The following SRGAP3 variants were observed in gnomAD, a reference collection of about 807,000 sequenced individuals.
SRGAP3 encodes SLIT-ROBO Rho GTPase activating protein 3, also known as SLIT-ROBO Rho GTPase-activating protein 3.
A neutral mutation model predicts 121.1 loss-of-function variants in SRGAP3; 39 were observed. That is an observed-to-expected ratio of 0.32 (90% CI 0.25 to 0.42). The LOEUF is 0.42. Ranked by LOEUF, SRGAP3 falls within the 10% of genes least tolerant of loss-of-function variation. SRGAP3 has a pLI of 1.00. For synonymous variants in SRGAP3, 601 were observed against 570.0 expected, an observed-to-expected ratio of 1.05 and a Z score of -0.77; for missense variants, 1,213 against 1,470.6, an observed-to-expected ratio of 0.82 and a Z score of 2.86.
intron 16 of SRGAP3, 61 bp downstream of exon 16, chr3:9,013,676 T>C: frequency 6.3e-7 from 1 of 1,585,172 alleles, no homozygotes; most frequent in Non-Finnish European, 8.7e-7. Flanking sequence ...AGCCTCAAGA[T>C]ACCCCCTCCC....
rs371416789 is a variant in SRGAP3 at position 9,093,075 on chromosome 3, G to C, written c.423+11605C>G. ...AGTGACAGGGCTGTCTTCCTGAAAA[G>C]CCAGTATCTATGAAAACCTGAAGCT... is the stretch of plus-strand genomic sequence containing the variant. On this transcript the variant is annotated intron_variant, in intron 3 of 21. Coordinates refer to ENST00000383836, the MANE Select transcript of SRGAP3 (RefSeq NM_014850.4). Among the ~76,000 whole-genome samples, 421 of 152,256 alleles carry C rather than the reference G, an allele frequency of 2.8e-3. 1 individual carries two copies. The highest frequency in any genetic ancestry group is 9.5e-3 in the African/African-American group (395 of 41,538).
At chr3:9,140,888 T>C (rs1372887589) in intron 1 of SRGAP3, among the ~76,000 whole-genome samples, 3 of 152,212 alleles carry the variant, frequency 2.0e-5, no homozygotes, top group Non-Finnish European at 2.9e-5. Flanking sequence ...AAAGTAATTA[T>C]TGGATCATAC....
intron 1 of SRGAP3, among the ~76,000 whole-genome samples, chr3:9,153,269 T>TA (rs1161883096): frequency 6.6e-6 from 1 of 152,172 alleles, no homozygotes; most frequent in Admixed American, 6.5e-5. Flanking sequence ...ACAATAATAA[T>TA]AATAGGTAAC....
chr3:9,052,362 G>C (rs1945618959), intron 9 of SRGAP3, among the ~76,000 whole-genome samples: 2 of 152,134 alleles, frequency 1.3e-5, no homozygotes, highest in African/African-American at 4.8e-5. Flanking sequence ...AGGGCTGTCT[G>C]GGGAAAAAGG....
chr3:9,006,191 G>A (rs1943060963), intron 18 of SRGAP3, among the ~76,000 whole-genome samples: 1 of 152,054 alleles, frequency 6.6e-6, no homozygotes, highest in African/African-American at 2.4e-5. Context: ...ACGAGGTCAG[G>A]AGATTGAGAC....
At chr3:9,175,192 T>TA (rs1332879340) in intron 1 of SRGAP3, among the ~76,000 whole-genome samples, 1 of 152,048 alleles carries the variant, frequency 6.6e-6, no homozygotes, top group African/African-American at 2.4e-5. Flanking sequence ...TTCCGTTAAT[T>TA]AAAAAAAGAA....
At position 9,223,922 on chromosome 3, in the gene SRGAP3, G is replaced by A. The variant is rs111392913; in HGVS notation, c.67+24963C>T. Among the ~76,000 whole-genome samples the A allele has an allele frequency of 1.6e-3, 239 of 152,280 alleles. 2 individuals are homozygous for A. The highest frequency in any genetic ancestry group is 5.5e-3 in the African/African-American group (230 of 41,560). The stretch of plus-strand genomic sequence containing the variant: ...AATCTTGATTCTGGATGGAAGACAG[G>A]CACTTCTCCTCTCGAAGTTTCAATT... On this transcript the variant is annotated intron_variant, in intron 1 of 21. Coordinates refer to ENST00000383836, the MANE Select transcript of SRGAP3 (RefSeq NM_014850.4).
chr3:9,013,361 C>G lies in SRGAP3; in HGVS notation c.2094G>C (p.Arg698=), dbSNP rs755976474. The change falls in exon 17 of 22, where the codon CGG becomes CGC. Residue 698 remains arginine (R), a synonymous_variant. Coordinates refer to ENST00000383836, the MANE Select transcript of SRGAP3 (RefSeq NM_014850.4). ...IHHEAIFPSP[R]ELEGPVYEKC... Reference sequence around the variant, plus strand: ...TTTCATACACAGGTCCCTCTAGCTCCCGGGGGCTGGGGAAGATGGCTTCAT... The same window carrying G: ...TTTCATACACAGGTCCCTCTAGCTCGCGGGGGCTGGGGAAGATGGCTTCAT... 3.1e-6 allele frequency: 5 copies of G among 1,614,080 alleles called. No homozygotes were observed. Among genetic ancestry groups the G allele is most frequent in the Middle Eastern group, 1.6e-4 (1 of 6,062 alleles).
At chr3:9,278,450 A>G (rs1343091125) in intron 3 of SRGAP3, among the ~76,000 whole-genome samples, 1 of 152,208 alleles carries the variant, frequency 6.6e-6, no homozygotes, top group Non-Finnish European at 1.5e-5. Context: ...CATGTGACCA[A>G]CTCTCAATGC....
intron 2 of SRGAP3, among the ~76,000 whole-genome samples, chr3:9,119,542 C>T (rs1268377108): frequency 6.6e-6 from 1 of 152,174 alleles, no homozygotes; most frequent in Non-Finnish European, 1.5e-5. Flanking sequence ...GATCGTGGTC[C>T]TAGCTTGGTG....
intron 3 of SRGAP3, among the ~76,000 whole-genome samples, chr3:9,316,511 T>A (rs565118440): frequency 4.0e-4 from 61 of 152,108 alleles, no homozygotes; most frequent in African/African-American, 1.4e-3. Flanking sequence ...ACAAAAAAAT[T>A]AGCTGGGCAT....
chr3:9,034,044 G>A (rs1944629418), intron 11 of SRGAP3: 1 of 152,116 alleles, frequency 6.6e-6, no homozygotes, highest in Non-Finnish European at 1.5e-5. Flanking sequence ...CTCCACTCTT[G>A]GCCACAGGGA....
chr3:9,005,173 A>T (rs956540783), intron 18 of SRGAP3, among the ~76,000 whole-genome samples: 1 of 152,246 alleles, frequency 6.6e-6, no homozygotes, highest in African/African-American at 2.4e-5. Flanking sequence ...GCACATGAAA[A>T]GATGATGAAC....
At chr3:9,168,090 G>C (rs541262687) in intron 1 of SRGAP3, among the ~76,000 whole-genome samples, 1 of 152,318 alleles carries the variant, frequency 6.6e-6, no homozygotes, top group Admixed American at 6.5e-5. Flanking sequence ...GAAACCCGGA[G>C]AGGTTAAGAG....
At chr3:9,208,558 A>ACT (rs1560420800) in intron 1 of SRGAP3, among the ~76,000 whole-genome samples, 1 of 152,204 alleles carries the variant, frequency 6.6e-6, no homozygotes, top group Non-Finnish European at 1.5e-5. Context: ...AGCAGGTAAG[A>ACT]CTAGGACCCA....
At chr3:9,103,802 C>G (rs1177332967) in intron 3 of SRGAP3, among the ~76,000 whole-genome samples, 1 of 152,230 alleles carries the variant, frequency 6.6e-6, no homozygotes, top group South Asian at 2.1e-4. Flanking sequence ...GCACCTTGTA[C>G]ATGCCAGGCA....
intron 1 of SRGAP3, among the ~76,000 whole-genome samples, chr3:9,246,522 G>T (rs970795487): frequency 1.3e-5 from 2 of 152,196 alleles, no homozygotes; most frequent in Non-Finnish European, 2.9e-5. Context: ...ACAAGCCTGG[G>T]AGAAAATCGG....
At chr3:9,358,563 T>A (rs574248475) in intron 1 of SRGAP3, among the ~76,000 whole-genome samples, 3 of 152,196 alleles carry the variant, frequency 2.0e-5, no homozygotes, top group African/African-American at 2.4e-5. Flanking sequence ...ACCAGCTGTG[T>A]GTTCTCCAAC....
At chr3:9,029,479 A>G (rs1474261215) in intron 12 of SRGAP3, among the ~76,000 whole-genome samples, 1 of 152,232 alleles carries the variant, frequency 6.6e-6, no homozygotes, top group Non-Finnish European at 1.5e-5. Flanking sequence ...AACAAACTCC[A>G]GCAACATTTA....
Sources: gnomAD v4.1 joint callset for allele counts (sites outside exome capture counted in the v4.1 genomes callset) on GRCh38, gnomAD v4.1.1 for gene constraint, MANE v1.5 for transcripts, NCBI Gene and HGNC (gene_info 2026-07-23, HGNC 2026-07-21) for gene names.